Variants in LGR5 observed in about 807,000 individuals in gnomAD.
LGR5 encodes leucine-rich repeat-containing G protein-coupled receptor 5.
A neutral mutation model predicts 76.7 loss-of-function variants in LGR5; 54 were observed. The ratio of observed to expected loss-of-function variants is 0.70; its 90% CI spans 0.57 to 0.88. LGR5 has a LOEUF of 0.88. Among genes scored for constraint, LGR5 ranks in the 40% least tolerant of loss-of-function variants. LGR5 has a pLI of 0.00. For missense variants in LGR5, 1,078 were observed against 1,073.3 expected (o/e 1.00, Z -0.06); for synonymous variants, 406 against 421.9 (o/e 0.96, Z 0.46).
intron 1 of LGR5, among the ~76,000 whole-genome samples, chr12:71,452,492 A>C (rs1872289930): frequency 6.6e-6 from 1 of 152,220 alleles, no homozygotes; most frequent in Admixed American, 6.5e-5. Context: ...CAAAATGTGC[A>C]ACGGAGTGAG....
At chr12:71,555,562 C>T (rs192450032) in intron 5 of LGR5, among the ~76,000 whole-genome samples, 65 of 152,298 alleles carry the variant, frequency 4.3e-4, no homozygotes, top group African/African-American at 1.5e-3. Context: ...TTCCTGTTGA[C>T]CTGTGCTCCC....
At position 71,504,636 on chromosome 12, in the gene LGR5, A is replaced by G. The variant is rs750969036; in HGVS notation, c.235A>G (p.Ser79Gly). Residue 79 changes from serine (S) to glycine (G), a missense_variant, in exon 2 of 18, where the codon AGT becomes GGT. Ser to Gly is a moderately conservative substitution (Grantham distance 56). Coordinates refer to ENST00000266674, the MANE Select transcript of LGR5 (RefSeq NM_003667.4). The stretch of plus-strand genomic sequence containing the variant: ...CAGAGACCTCAGTATGAACAACATC[A>G]GTCAGCTGCTCCCGAATCCCCTGCC... ...SYLDLSMNNI[S>G]QLLPNPLPSL... is the part of the protein sequence containing the mutation. The G allele has an allele frequency of 6.2e-7, 1 of 1,614,080 alleles. No individual in the cohort carries two copies. The highest frequency in any genetic ancestry group is 8.5e-7 in the Non-Finnish European group (1 of 1,179,988).
chr12:71,439,593 T>G (rs1871647568), upstream of LGR5, among the ~76,000 whole-genome samples: 1 of 150,106 alleles, frequency 6.7e-6, no homozygotes, highest in Non-Finnish European at 1.5e-5. Context: ...GGAGGCTCAG[T>G]GGGAGCGCCG....
chr12:71,529,362 G>C (rs1428017003), intron 3 of LGR5, among the ~76,000 whole-genome samples: 1 of 151,964 alleles, frequency 6.6e-6, no homozygotes, highest in Admixed American at 6.6e-5. Flanking sequence ...GAGAGCGAGG[G>C]GGGATCTGCC....
chr12:71,500,989 CA>C (rs1874572913), intron 1 of LGR5, among the ~76,000 whole-genome samples: 1 of 152,140 alleles, frequency 6.6e-6, no homozygotes, highest in Non-Finnish European at 1.5e-5. Context: ...ACCAGTTCTT[CA>C]AAATTAATTT....
At chr12:71,530,994 G>A (rs61925822) in intron 3 of LGR5, among the ~76,000 whole-genome samples, 2 of 61,932 alleles carry the variant, frequency 3.2e-5, no homozygotes, top group Non-Finnish European at 7.2e-5. Flanking sequence ...TAGTCCTGTT[G>A]GGAAAAAAAA....
chr12:71,518,236 G>A (rs1875542557), intron 2 of LGR5, among the ~76,000 whole-genome samples: 1 of 151,978 alleles, frequency 6.6e-6, no homozygotes, highest in Non-Finnish European at 1.5e-5. Context: ...CAGCCAACAA[G>A]TATATGAAAA....
chr12:71,543,934 G>T (rs1877009284), intron 4 of LGR5, among the ~76,000 whole-genome samples: 1 of 152,128 alleles, frequency 6.6e-6, no homozygotes, highest in African/African-American at 2.4e-5. Context: ...ATAGAAAAAG[G>T]GTCTTCGTTT....
chr12:71,508,552 G>A (rs1012843432), intron 2 of LGR5, among the ~76,000 whole-genome samples: 20 of 151,924 alleles, frequency 1.3e-4, no homozygotes, highest in African/African-American at 3.4e-4. Flanking sequence ...TCAAGAGATC[G>A]AGACCATCCT....
At chr12:71,507,677 A>G (rs1392897894) in intron 2 of LGR5, among the ~76,000 whole-genome samples, 1 of 152,162 alleles carries the variant, frequency 6.6e-6, no homozygotes, top group Non-Finnish European at 1.5e-5. Flanking sequence ...TGCAGTATAT[A>G]TTTTACTTGA....
chr12:71,473,411 CAGAA>C (rs1873183880), intron 1 of LGR5, among the ~76,000 whole-genome samples: 1 of 152,092 alleles, frequency 6.6e-6, no homozygotes, highest in African/African-American at 2.4e-5. Flanking sequence ...GCTGAGTTTT[CAGAA>C]AGAAACTGAA....
chr12:71,514,104 A>AAAAC (rs146826030), intron 2 of LGR5, among the ~76,000 whole-genome samples: 6 of 152,030 alleles, frequency 3.9e-5, no homozygotes, highest in South Asian at 2.1e-4. Flanking sequence ...AACAACAACA[A>AAAAC]AAACAAACAA....
chr12:71,485,325 T>C (rs1352851776), intron 1 of LGR5, among the ~76,000 whole-genome samples: 1 of 152,186 alleles, frequency 6.6e-6, no homozygotes, highest in Non-Finnish European at 1.5e-5. Context: ...TAAGAAGTAA[T>C]TTATGAATTG....
At chr12:71,542,778 A>G (rs1357825980) in intron 4 of LGR5, among the ~76,000 whole-genome samples, 1 of 152,168 alleles carries the variant, frequency 6.6e-6, no homozygotes, top group Admixed American at 6.5e-5. Context: ...GTGTGGTTCC[A>G]GGATAATGAG....
chr12:71,516,252 T>C (rs1366464103), intron 2 of LGR5, among the ~76,000 whole-genome samples: 1 of 151,914 alleles, frequency 6.6e-6, no homozygotes, highest in Non-Finnish European at 1.5e-5. Flanking sequence ...CCAGGAAAGT[T>C]AAGTAACTTG....
intron 13 of LGR5, among the ~76,000 whole-genome samples, chr12:71,576,320 A>T (rs1446184446): frequency 6.6e-6 from 1 of 152,158 alleles, no homozygotes; most frequent in Non-Finnish European, 1.5e-5. Context: ...CAAGCAAAGG[A>T]TGGGTGTGCA....
intron 2 of LGR5, among the ~76,000 whole-genome samples, chr12:71,523,366 G>C (rs1565718222): frequency 6.6e-6 from 1 of 152,038 alleles, no homozygotes; most frequent in African/African-American, 2.4e-5. Flanking sequence ...GTACCCAGCA[G>C]GGGGCTGGGT....
intron 1 of LGR5, among the ~76,000 whole-genome samples, chr12:71,488,923 T>C (rs1050746486): frequency 3.9e-5 from 6 of 152,192 alleles, no homozygotes; most frequent in African/African-American, 1.4e-4. Flanking sequence ...TCTAGTAAAG[T>C]GAGTTCCCCT....
At chr12:71,501,237 A>C (rs1874585551) in intron 1 of LGR5, among the ~76,000 whole-genome samples, 1 of 152,234 alleles carries the variant, frequency 6.6e-6, no homozygotes, top group Non-Finnish European at 1.5e-5. Flanking sequence ...GAATGGTTTA[A>C]AAATAATTTA....
Sources: gnomAD v4.1 joint callset for allele counts (sites outside exome capture counted in the v4.1 genomes callset) on GRCh38, gnomAD v4.1.1 for gene constraint, MANE v1.5 for transcripts, NCBI Gene and HGNC (gene_info 2026-07-23, HGNC 2026-07-21) for gene names.